Variants in NSUN3 observed in about 807,000 individuals in gnomAD.
NSUN3 encodes tRNA (cytosine(34)-C(5))-methyltransferase, mitochondrial.
In NSUN3, 24 loss-of-function variants were observed where a neutral mutation model predicts 36.8. The ratio of observed to expected loss-of-function variants is 0.65; its 90% confidence interval spans 0.47 to 0.92. The LOEUF is 0.92. Ranked by LOEUF, NSUN3 falls within the 40% of genes least tolerant of loss-of-function variation. The pLI, the probability that NSUN3 is intolerant of heterozygous loss-of-function variation, is 0.00. For missense variants in NSUN3, 381 were observed against 392.8 expected, an observed-to-expected ratio of 0.97 and a Z score of 0.25; for synonymous variants, 146 against 145.2, an observed-to-expected ratio of 1.01 and a Z score of -0.04.
At chr3:94,084,046 TA>T in intron 2 of NSUN3, 60 bp from the exon 3 acceptor site, 1 of 1,220,786 alleles carries the variant, frequency 8.2e-7, no homozygotes, top group Non-Finnish European at 1.2e-6. Context: ...ATTCGTAATA[TA>T]AAATTGTATT....
chr3:94,096,601 C>T (rs942182543), intron 5 of NSUN3, among the ~76,000 whole-genome samples: 6 of 152,150 alleles, frequency 3.9e-5, no homozygotes, highest in Middle Eastern at 3.4e-3. Context: ...TGGGTTCAAG[C>T]GATTCTCATG....
At chr3:94,121,740 G>A (rs1435558083) in intron 5 of NSUN3, among the ~76,000 whole-genome samples, 1 of 152,180 alleles carries the variant, frequency 6.6e-6, no homozygotes, top group Non-Finnish European at 1.5e-5. Context: ...ATCAATAAAT[G>A]AATACATGAG....
At chr3:94,116,578 C>T (rs569155926) in intron 5 of NSUN3, among the ~76,000 whole-genome samples, 15 of 152,180 alleles carry the variant, frequency 9.9e-5, no homozygotes, top group African/African-American at 3.6e-4. Flanking sequence ...TTACTTGCAA[C>T]AATAATTAAA....
chr3:94,081,215 C>T (rs1435011582), intron 2 of NSUN3, among the ~76,000 whole-genome samples: 1 of 152,184 alleles, frequency 6.6e-6, no homozygotes, highest in Non-Finnish European at 1.5e-5. Context: ...CACCCTGCTT[C>T]AGCTCGCCCT....
intron 5 of NSUN3, among the ~76,000 whole-genome samples, chr3:94,116,985 CTTTTTTTTTTTTTTTTTTT>C (rs60234250): frequency 4.7e-5 from 3 of 63,958 alleles, no homozygotes; most frequent in African/African-American, 2.0e-4. Flanking sequence ...TCTGCCACAA[CTTTTTTTTTTTTTTTTTTT>C]TTTTTTTTTT....
rs1282624770 is a variant in NSUN3, at chr3:94,127,984, GCCGAGGCAGGGGGCATCTC to G, written c.*1496_*1514del. ...GCCTGTAATCCCAGCACTTTGTCAG[GCCGAGGCAGGGGGCATCTC>G]CTGAGGTCAGAAGTTCGAGACTAGC... is the stretch of plus-strand genomic sequence containing the variant. On this transcript the variant is annotated 3_prime_UTR_variant, in exon 6 of 6. Coordinates refer to ENST00000314622, the MANE Select transcript of NSUN3 (RefSeq NM_022072.5). 6.6e-6 allele frequency: 1 copy of G among 152,118 alleles called. No homozygotes were observed. Among genetic ancestry groups the G allele is most frequent in the Non-Finnish European group, 1.5e-5 (1 of 68,042 alleles). The allele number at this position is 152,118 out of a possible 1,614,324, so 9.4% of individuals were successfully genotyped here.
intron 5 of NSUN3, among the ~76,000 whole-genome samples, chr3:94,099,225 A>G (rs1465406576): frequency 6.6e-6 from 1 of 152,192 alleles, no homozygotes; most frequent in Non-Finnish European, 1.5e-5. Flanking sequence ...ACATGGCTAT[A>G]GAGTTTAGTT....
chr3:94,107,635 T>G (rs2077395604), intron 5 of NSUN3, among the ~76,000 whole-genome samples: 1 of 152,098 alleles, frequency 6.6e-6, no homozygotes, highest in Non-Finnish European at 1.5e-5. Context: ...CAGTCTACTG[T>G]CTCCTGCCCC....
chr3:94,077,082 A>G lies in NSUN3; in HGVS notation c.123-7025A>G, dbSNP rs568263610. Reference sequence around the variant, plus strand: ...GAGCCTGCGTCATCACCAAATCATAAAGAAAAGGGGTGTTCTTTTTCCATA... The same window carrying G: ...GAGCCTGCGTCATCACCAAATCATAGAGAAAAGGGGTGTTCTTTTTCCATA... On this transcript the variant is annotated intron_variant, in intron 2 of 5. Transcript: ENST00000314622. 612 of 785,038 alleles carry G rather than the reference A, an allele frequency of 7.8e-4. 1 individual carries two copies. Among genetic ancestry groups the G allele is most frequent in the Non-Finnish European group, 1.1e-3 (465 of 424,430 alleles). The allele number at this position is 785,038 out of a possible 1,614,324, so 48.6% of individuals were successfully genotyped here.
At chr3:94,088,583 A>G (rs2077302137) in intron 3 of NSUN3, among the ~76,000 whole-genome samples, 1 of 150,872 alleles carries the variant, frequency 6.6e-6, no homozygotes. Context: ...TAGTTGTGCT[A>G]TTGACTATTC....
At chr3:94,112,821 G>A (rs1436806894) in intron 5 of NSUN3, among the ~76,000 whole-genome samples, 1 of 152,166 alleles carries the variant, frequency 6.6e-6, no homozygotes, top group Admixed American at 6.5e-5. Flanking sequence ...CTACAAGTTG[G>A]AAATTCCTTG....
intron 5 of NSUN3, among the ~76,000 whole-genome samples, chr3:94,097,380 A>G (rs2077346674): frequency 6.6e-6 from 1 of 151,726 alleles, no homozygotes; most frequent in South Asian, 2.1e-4. Context: ...TTTTTTAACC[A>G]AATATTTCTT....
chr3:94,115,403 T>C (rs546809370), intron 5 of NSUN3, among the ~76,000 whole-genome samples: 1 of 152,206 alleles, frequency 6.6e-6, no homozygotes, highest in Non-Finnish European at 1.5e-5. Flanking sequence ...TACTATTGCC[T>C]TGATACTCTA....
intron 5 of NSUN3, among the ~76,000 whole-genome samples, chr3:94,119,508 C>T (rs942799247): frequency 2.0e-5 from 3 of 152,066 alleles, no homozygotes; most frequent in Admixed American, 6.6e-5. Flanking sequence ...AGTTAGATTC[C>T]GGAGCTCAGG....
In NSUN3 at chr3:94,127,547, C is replaced by T. The variant is rs1293655341; in HGVS notation, c.*1057C>T. ...TACTGTATACATTTCTTCTTATGTA[C>T]TTAGGGTTTTAGCTTCAGTCAGCAT... On this transcript the variant is annotated 3_prime_UTR_variant, in exon 6 of 6. Coordinates refer to ENST00000314622, the MANE Select transcript of NSUN3 (RefSeq NM_022072.5). 6.6e-6 allele frequency: 1 copy of T among 152,104 alleles called. No individual in the cohort carries two copies. Among genetic ancestry groups the T allele is most frequent in the African/African-American group, 2.4e-5 (1 of 41,416 alleles). The allele number at this position is 152,104 out of a possible 1,614,324, so 9.4% of individuals were successfully genotyped here.
chr3:94,120,286 A>C (rs2077455983), intron 5 of NSUN3, among the ~76,000 whole-genome samples: 1 of 152,280 alleles, frequency 6.6e-6, no homozygotes, highest in African/African-American at 2.4e-5. Context: ...ACATAACATA[A>C]AATTTGCTAT....
chr3:94,120,651 C>T (rs559569289), intron 5 of NSUN3, among the ~76,000 whole-genome samples: 52 of 152,278 alleles, frequency 3.4e-4, no homozygotes, highest in African/African-American at 1.2e-3. Flanking sequence ...TATCTGTCTA[C>T]ACATTTTGCT....
chr3:94,064,561 T>C lies in NSUN3; in HGVS notation c.122+15T>C, dbSNP rs1560027515. On this transcript the variant is annotated intron_variant, in intron 2 of 5. Coordinates refer to ENST00000314622, the MANE Select transcript of NSUN3 (RefSeq NM_022072.5). Reference sequence around the variant, plus strand: ...AATACAGTAAGGTTAGTATAATTCATCTCGATGCTTTATGATGGAACAAAG... The same window carrying C: ...AATACAGTAAGGTTAGTATAATTCACCTCGATGCTTTATGATGGAACAAAG... The C allele has an allele frequency of 7.6e-6, 11 of 1,438,304 alleles. No homozygotes were observed. Among genetic ancestry groups the C allele is most frequent in the Non-Finnish European group, 9.8e-6 (10 of 1,020,816 alleles). 89.1% of individuals were successfully genotyped at this position (1,438,304 alleles called of 1,614,324 possible). A position where few individuals can be genotyped will look rare whatever the true frequency, so the allele number is the denominator to read the frequency against.
At chr3:94,084,059 G>GTATGC (rs2107246875) in intron 2 of NSUN3, 48 bp from the exon 3 acceptor site, 1 of 1,320,212 alleles carries the variant, frequency 7.6e-7, no homozygotes, top group East Asian at 2.4e-5. Flanking sequence ...AATTGTATTG[G>GTATGC]TATGTATCAT....
Sources: allele counts gnomAD v4.1 joint callset (sites outside exome capture counted in the v4.1 genomes callset), GRCh38; gene constraint gnomAD v4.1.1; transcripts MANE v1.5; gene names NCBI Gene and HGNC (gene_info 2026-07-23, HGNC 2026-07-21).